The following LRP1B variants were observed in gnomAD, a reference collection of about 807,000 sequenced individuals.
LRP1B encodes the protein LDL receptor related protein 1B.
In LRP1B, 217 loss-of-function variants were observed where a neutral mutation model predicts 556.6. That is an observed-to-expected ratio of 0.39 (90% confidence interval 0.35 to 0.44). The LOEUF is 0.44. Ranked by LOEUF, LRP1B falls within the 20% of genes least tolerant of loss-of-function variation. LRP1B has a pLI of 1.00. For synonymous variants in LRP1B, 2,047 were observed against 1,865.8 expected, an observed-to-expected ratio of 1.10 and a Z score of -2.50; for missense variants, 5,053 against 5,620.8, an observed-to-expected ratio of 0.90 and a Z score of 3.23.
intron 2 of LRP1B, among the ~76,000 whole-genome samples, chr2:141,495,661 A>G (rs16846281): frequency 0.071 from 10,837 of 152,146 alleles, 1,314 homozygotes; most frequent in African/African-American, 0.25. Flanking sequence ...CCTTTACTAC[A>G]TGGAATCTGA....
intron 1 of LRP1B, among the ~76,000 whole-genome samples, chr2:141,867,037 C>T (rs1267744750): frequency 1.3e-5 from 2 of 152,080 alleles, no homozygotes; most frequent in Non-Finnish European, 2.9e-5. Context: ...TCAACAAAAG[C>T]AGCCCTTTCG....
In LRP1B at chr2:141,262,793, C is replaced by T. The variant is rs188700758; in HGVS notation, c.344-8152G>A. ...ATGTCTGTCCTTTCTATAAATTATG[C>T]TATTTTGATGACAGCAAATCTTGAA... is the stretch of plus-strand genomic sequence containing the variant. On this transcript the variant is annotated intron_variant, in intron 3 of 90. Coordinates refer to ENST00000389484, the MANE Select transcript of LRP1B (RefSeq NM_018557.3). 7.5e-4 allele frequency among the ~76,000 whole-genome samples: 114 copies of T among 152,062 alleles called. 1 individual carries two copies. Among genetic ancestry groups the T allele is most frequent in the African/African-American group, 2.5e-3 (105 of 41,504 alleles).
intron 87 of LRP1B, among the ~76,000 whole-genome samples, chr2:140,242,780 A>G (rs1681004724): frequency 6.6e-6 from 1 of 151,148 alleles, no homozygotes; most frequent in South Asian, 2.1e-4. Context: ...GTTGGGCTGG[A>G]AGGAGATGTG....
At chr2:141,694,121 T>A (rs1691645173) in intron 2 of LRP1B, among the ~76,000 whole-genome samples, 1 of 151,992 alleles carries the variant, frequency 6.6e-6, no homozygotes, top group South Asian at 2.1e-4. Context: ...TCTCCCTTTC[T>A]CCTCCCTCCT....
intron 2 of LRP1B, among the ~76,000 whole-genome samples, chr2:141,569,324 C>A (rs1160263092): frequency 6.7e-6 from 1 of 150,172 alleles, no homozygotes; most frequent in East Asian, 1.9e-4. Flanking sequence ...TTTAAGCAGG[C>A]CCTAGAAATA....
intron 7 of LRP1B, among the ~76,000 whole-genome samples, chr2:141,071,120 C>A (rs986390400): frequency 1.2e-4 from 18 of 151,670 alleles, no homozygotes; most frequent in African/African-American, 3.4e-4. Flanking sequence ...AATACTGGCA[C>A]ACCAAATCCA....
At position 141,929,316 on chromosome 2, in the gene LRP1B, C is replaced by G. The variant is rs547988598; in HGVS notation, c.83-118915G>C. 3.3e-5 allele frequency among the ~76,000 whole-genome samples: 5 copies of G among 152,140 alleles called. No individual in the cohort carries two copies. The South Asian group carries it at 1.0e-3, about 32-fold the overall frequency. ...ATAACACACACATAATACATGCACA[C>G]AAAATGTCAACAATGCACTTCATAG... On this transcript the variant is annotated intron_variant, in intron 1 of 90. Coordinates refer to ENST00000389484, the MANE Select transcript of LRP1B (RefSeq NM_018557.3).
chr2:142,123,662 T>A (rs899174318), intron 1 of LRP1B, among the ~76,000 whole-genome samples: 3 of 151,824 alleles, frequency 2.0e-5, no homozygotes, highest in African/African-American at 7.2e-5. Context: ...GAAGTTTTTT[T>A]TTTTTTTTGG....
chr2:140,578,016 T>G (rs1466575605), intron 43 of LRP1B, among the ~76,000 whole-genome samples: 2 of 152,294 alleles, frequency 1.3e-5, no homozygotes, highest in African/African-American at 4.8e-5. Context: ...TATAAAAGAA[T>G]GATTAAACTT....
chr2:142,009,179 C>T (rs1299376933), intron 1 of LRP1B, among the ~76,000 whole-genome samples: 3 of 152,174 alleles, frequency 2.0e-5, no homozygotes, highest in Non-Finnish European at 4.4e-5. Context: ...TCATGACACA[C>T]AATAAGCTGT....
intron 35 of LRP1B, among the ~76,000 whole-genome samples, chr2:140,754,760 T>C (rs1688687773): frequency 8.0e-6 from 1 of 124,814 alleles, no homozygotes; most frequent in Admixed American, 8.2e-5. Context: ...TCTTCTTGCT[T>C]AAGAACTAGA....
At position 141,849,875 on chromosome 2, in the gene LRP1B, C is replaced by T. The variant is rs551155115; in HGVS notation, c.83-39474G>A. Reference sequence around the variant, plus strand: ...TTTATGAGATTTCTCTTTAAATCTCCGATTCTAAGAAAACAGAGACAATTG... The same window carrying T: ...TTTATGAGATTTCTCTTTAAATCTCTGATTCTAAGAAAACAGAGACAATTG... On this transcript the variant is annotated intron_variant, in intron 1 of 90. Coordinates refer to ENST00000389484, the MANE Select transcript of LRP1B (RefSeq NM_018557.3). Among the ~76,000 whole-genome samples the T allele has an allele frequency of 7.9e-5, 12 of 151,560 alleles. No homozygotes were observed. In the South Asian group the frequency reaches 1.2e-3, roughly 16 times the overall value.
Position 140,324,047 on chromosome 2 carries a change from C to A in LRP1B, c.12360G>T (p.Arg4120Ser), listed in dbSNP as rs137873952. 3 of 1,606,958 alleles carry A rather than the reference C, an allele frequency of 1.9e-6. No individual in the cohort carries two copies. Among genetic ancestry groups the A allele is most frequent in the Admixed American group, 1.7e-5 (1 of 59,750 alleles). Residue 4120 changes from arginine (R) to serine (S), a missense_variant, in exon 81 of 91, where the codon AGG becomes AGT. By Grantham distance (110) the Arg-to-Ser change is moderately radical. Transcript: ENST00000389484. ...SSKQGLLHPH[R>S]IDIFEDYIYG... Reference sequence around the variant, plus strand: ...ATATATAATCTTCAAAGATATCGATCCTATGTGGATGTAATAAACCTGGAA... The same window carrying A: ...ATATATAATCTTCAAAGATATCGATACTATGTGGATGTAATAAACCTGGAA...
At chr2:140,334,015 C>CA (rs1399772850) in intron 79 of LRP1B, among the ~76,000 whole-genome samples, 1 of 147,782 alleles carries the variant, frequency 6.8e-6, no homozygotes, top group Non-Finnish European at 1.5e-5. Context: ...CAAAACAAAA[C>CA]AAAACAAAAA....
intron 83 of LRP1B, among the ~76,000 whole-genome samples, chr2:140,310,661 T>G (rs1684259943): frequency 1.3e-5 from 2 of 151,848 alleles, no homozygotes; most frequent in Non-Finnish European, 2.9e-5. Flanking sequence ...GACATCCTAT[T>G]CAATAAATGG....
intron 7 of LRP1B, among the ~76,000 whole-genome samples, chr2:141,096,630 GA>G (rs1700319177): frequency 3.3e-4 from 4 of 12,216 alleles, no homozygotes; most frequent in Admixed American, 7.8e-4. Flanking sequence ...GGGAGAGGGG[GA>G]GAGAGAGAGA....
rs75458967 is a variant in LRP1B, at chr2:141,628,862, C to T, written c.206-148329G>A. 7.3e-3 allele frequency among the ~76,000 whole-genome samples: 1,116 copies of T among 152,152 alleles called. 12 individuals are homozygous for T. Among genetic ancestry groups the T allele is most frequent in the African/African-American group, 0.025 (1,030 of 41,500 alleles). ...TGAGGTCTCATCATTTTGCCCCAGG[C>T]TGGTCTTGAACCCCTGAGCTCAAGT... On this transcript the variant is annotated intron_variant, in intron 2 of 90. Coordinates refer to ENST00000389484, the MANE Select transcript of LRP1B (RefSeq NM_018557.3).
At chr2:140,859,831 A>G (rs1158797034) in intron 27 of LRP1B, among the ~76,000 whole-genome samples, 1 of 151,828 alleles carries the variant, frequency 6.6e-6, no homozygotes, top group Non-Finnish European at 1.5e-5. Flanking sequence ...CATCTCTACT[A>G]AAAATACAAA....
chr2:141,162,479 T>C (rs534568300), intron 7 of LRP1B, among the ~76,000 whole-genome samples: 3 of 152,188 alleles, frequency 2.0e-5, no homozygotes, highest in South Asian at 2.1e-4. Context: ...AGGGAACCAA[T>C]GTGAGCCTGC....
Sources: gnomAD v4.1 joint callset for allele counts (sites outside exome capture counted in the v4.1 genomes callset) on GRCh38, gnomAD v4.1.1 for gene constraint, MANE v1.5 for transcripts, NCBI Gene and HGNC (gene_info 2026-07-23, HGNC 2026-07-21) for gene names.